ST3GAL1: variants seen among roughly 807,000 people sequenced by gnomAD.
ST3GAL1 encodes the protein CMP-N-acetylneuraminate-beta-galactosamide-alpha-2,3-sialyltransferase 1.
ST3GAL1 carries 16 observed loss-of-function variants against 34.1 expected under a neutral mutation model. The observed-to-expected ratio is 0.47, with a 90% confidence interval of 0.32 to 0.71. The LOEUF (loss-of-function observed/expected upper bound fraction) is 0.71. Ranked by LOEUF, ST3GAL1 falls within the 30% of genes least tolerant of loss-of-function variation. ST3GAL1 has a pLI of 0.04. For synonymous variants in ST3GAL1, 191 were observed against 184.7 expected, an observed-to-expected ratio of 1.03 and a Z score of -0.28; for missense variants, 353 against 447.4, an observed-to-expected ratio of 0.79 and a Z score of 1.90.
chr8:133,519,764 A>G lies in ST3GAL1; in HGVS notation c.-428-20575T>C, dbSNP rs932473600. 5.0e-5 allele frequency among the ~76,000 whole-genome samples: 7 copies of G among 140,322 alleles called. No individual in the cohort carries two copies. In the East Asian group the frequency reaches 8.3e-4, roughly 17 times the overall value. The allele number at this position is 140,322 out of a possible 152,430, so 92.1% of individuals were successfully genotyped here. A position where few individuals can be genotyped will look rare whatever the true frequency, so the allele number is the denominator to read the frequency against. ...AGTTTGAGACCAACCTGGCCAACAT[A>G]GTGAAACCCCATGTCTACTAAAAAA... On this transcript the variant is annotated intron_variant, in intron 2 of 9. Transcript: ENST00000522652.
intron 3 of ST3GAL1, among the ~76,000 whole-genome samples, chr8:133,492,629 T>A (rs1816818455): frequency 6.6e-6 from 1 of 152,042 alleles, no homozygotes; most frequent in Non-Finnish European, 1.5e-5. Flanking sequence ...GGCTGAGGCA[T>A]GAGAATTGCT....
chr8:133,548,103 C>T (rs1818721717), intron 1 of ST3GAL1, among the ~76,000 whole-genome samples: 1 of 152,188 alleles, frequency 6.6e-6, no homozygotes, highest in South Asian at 2.1e-4. Flanking sequence ...AGAGTCAGCA[C>T]AGTTAGGAGT....
intron 1 of ST3GAL1, among the ~76,000 whole-genome samples, chr8:133,559,515 A>G (rs2131104674): frequency 6.6e-6 from 1 of 152,334 alleles, no homozygotes; most frequent in East Asian, 1.9e-4. Flanking sequence ...ATTTTAAAAC[A>G]TAAGATTATG....
intron 2 of ST3GAL1, among the ~76,000 whole-genome samples, chr8:133,503,222 T>C (rs773290216): frequency 6.8e-6 from 1 of 147,966 alleles, no homozygotes; most frequent in African/African-American, 2.5e-5. Context: ...AGAGTTCCTT[T>C]TGCAAGTATT....
At chr8:133,470,822 A>G (rs72718264) in intron 5 of ST3GAL1, among the ~76,000 whole-genome samples, 13,606 of 152,104 alleles carry the variant, frequency 0.089, 660 homozygotes, top group Admixed American at 0.16. Context: ...CCGAGAGCGG[A>G]CATCTCCTTG....
At chr8:133,555,303 C>A (rs1476833594) in intron 1 of ST3GAL1, among the ~76,000 whole-genome samples, 1 of 152,010 alleles carries the variant, frequency 6.6e-6, no homozygotes, top group Non-Finnish European at 1.5e-5. Flanking sequence ...TTCTGTTGCT[C>A]CCCCTGCCGT....
rs11776435 is a variant in ST3GAL1, at chr8:133,529,987, C to T, written c.-429+15787G>A. 6.4e-3 allele frequency among the ~76,000 whole-genome samples: 974 copies of T among 151,950 alleles called. 4 individuals carry two copies. The highest frequency in any genetic ancestry group is 0.012 in the Non-Finnish European group (796 of 67,896). ...CATCATGAAATCTCTTATTTGTTAA[C>T]TTTGTTATTTATTAGAAGTCTCCTT... On this transcript the variant is annotated intron_variant, in intron 2 of 9. Transcript: ENST00000522652.
chr8:133,541,442 A>G (rs1234480139), intron 2 of ST3GAL1, among the ~76,000 whole-genome samples: 1 of 152,006 alleles, frequency 6.6e-6, no homozygotes, highest in Non-Finnish European at 1.5e-5. Flanking sequence ...AGGTCTTCAC[A>G]AGGACAGGAC....
chr8:133,459,289 C>T lies in ST3GAL1; in HGVS notation c.*475G>A, dbSNP rs1207847633. The T allele has an allele frequency of 6.5e-6, 1 of 152,984 alleles. No individual in the cohort carries two copies. Among genetic ancestry groups the T allele is most frequent in the Admixed American group, 6.5e-5 (1 of 15,296 alleles). The allele number at this position is 152,984 out of a possible 1,614,324, so 9.5% of individuals were successfully genotyped here. ...AGGGTTATCACGCCAAGCAAGAGGC[C>T]AGGCTTCGTGCAAAGAAGGGCAGCA... On this transcript the variant is annotated 3_prime_UTR_variant, in exon 10 of 10. Coordinates refer to ENST00000522652, the MANE Select transcript of ST3GAL1 (RefSeq NM_173344.3). This position sits in a 1 kb window ranked among gnomAD's most constrained non-coding sequence, Gnocchi z 4.7.
chr8:133,482,485 G>A (rs1173447819), intron 3 of ST3GAL1, among the ~76,000 whole-genome samples: 1 of 152,224 alleles, frequency 6.6e-6, no homozygotes, highest in African/African-American at 2.4e-5. Context: ...AGGCAGATCT[G>A]CAGGCTGGAA....
intron 2 of ST3GAL1, among the ~76,000 whole-genome samples, chr8:133,504,211 A>G (rs2130999984): frequency 6.6e-6 from 1 of 152,320 alleles, no homozygotes; most frequent in Non-Finnish European, 1.5e-5. Flanking sequence ...TGCCTTCCCC[A>G]AGGTCATGGA....
At chr8:133,531,577 G>A (rs1368775129) in intron 2 of ST3GAL1, among the ~76,000 whole-genome samples, 1 of 152,000 alleles carries the variant, frequency 6.6e-6, no homozygotes, top group Non-Finnish European at 1.5e-5. Flanking sequence ...CCTGACCCCA[G>A]GCAGCCTGCT....
intron 2 of ST3GAL1, among the ~76,000 whole-genome samples, chr8:133,541,120 T>TAGAGAGAGAGAGAGAGAGAGAGAG (rs1554618899): frequency 2.5e-4 from 12 of 48,644 alleles, no homozygotes; most frequent in South Asian, 8.2e-4. Flanking sequence ...TATATATATA[T>TAGAGAGAGAGAGAGAGAGAGAGAG]AGAGAGAGAG....
rs562207181 is a variant in ST3GAL1 at position 133,498,536 on chromosome 8, T to C, written c.-374+599A>G. Among the ~76,000 whole-genome samples the C allele has an allele frequency of 1.7e-3, 255 of 152,048 alleles. 4 individuals carry two copies. Among genetic ancestry groups the C allele is most frequent in the African/African-American group, 6.0e-3 (249 of 41,492 alleles). ...TTTTTCTCTAGCTGAGCTCTGCTTGTCCCTGACTGAGCAGACCAACTATCC... is the reference window on the plus strand; with the variant it reads ...TTTTTCTCTAGCTGAGCTCTGCTTGCCCCTGACTGAGCAGACCAACTATCC... On this transcript the variant is annotated intron_variant, in intron 3 of 9. Coordinates refer to ENST00000522652, the MANE Select transcript of ST3GAL1 (RefSeq NM_173344.3).
chr8:133,559,035 TTGTGTG>T (rs34571050), intron 1 of ST3GAL1, among the ~76,000 whole-genome samples: 14 of 149,148 alleles, frequency 9.4e-5, no homozygotes, highest in African/African-American at 7.4e-5. Context: ...GAGTGTGGTT[TTGTGTG>T]TGTGTGTGTG....
At chr8:133,563,441 TAA>T (rs991370379) in intron 1 of ST3GAL1, among the ~76,000 whole-genome samples, 3 of 152,238 alleles carry the variant, frequency 2.0e-5, no homozygotes, top group Non-Finnish European at 4.4e-5. Flanking sequence ...TGTTTTGGAC[TAA>T]GTTTCCGCAC....
intron 3 of ST3GAL1, among the ~76,000 whole-genome samples, chr8:133,485,996 T>G (rs1816576406): frequency 1.3e-5 from 2 of 152,162 alleles, no homozygotes; most frequent in South Asian, 4.1e-4. Context: ...CCTTTGTCTT[T>G]TCTATACTGT....
At chr8:133,499,594 A>G (rs1460287499) in intron 2 of ST3GAL1, among the ~76,000 whole-genome samples, 1 of 152,216 alleles carries the variant, frequency 6.6e-6, no homozygotes, top group Non-Finnish European at 1.5e-5. Context: ...CTGAAGGATG[A>G]GGATGGGTGG....
chr8:133,471,319 C>T (rs954647827), intron 5 of ST3GAL1, among the ~76,000 whole-genome samples: 7 of 152,218 alleles, frequency 4.6e-5, no homozygotes, highest in East Asian at 1.9e-4. Flanking sequence ...ATCACATCCC[C>T]GGTGCCGTGT....
Sources: gnomAD v4.1 joint callset for allele counts (sites outside exome capture counted in the v4.1 genomes callset) on GRCh38, gnomAD v4.1.1 for gene constraint, Gnocchi (gnomAD v3.1) non-coding constraint, MANE v1.5 for transcripts, NCBI Gene and HGNC (gene_info 2026-07-23, HGNC 2026-07-21) for gene names.